The following STON1 variants were observed in gnomAD, a reference collection of about 807,000 sequenced individuals.
STON1 encodes stonin-1.
A neutral mutation model predicts 60.9 loss-of-function variants in STON1; 79 were observed. That is an observed-to-expected ratio of 1.30 (90% CI 1.08 to 1.56). The LOEUF (loss-of-function observed/expected upper bound fraction) is 1.56, where lower values mean the gene tolerates loss of function less well. Among genes scored for constraint, STON1 ranks in the 40% most tolerant of loss-of-function variants. The pLI is 0.00. For synonymous variants in STON1, 363 were observed against 306.9 expected, an observed-to-expected ratio of 1.18 and a Z score of -1.91; for missense variants, 1,166 against 858.9, an observed-to-expected ratio of 1.36 and a Z score of -4.47.
intron 1 of STON1, among the ~76,000 whole-genome samples, chr2:48,557,716 C>A (rs563361178): frequency 1.4e-5 from 1 of 68,986 alleles, no homozygotes; most frequent in African/African-American, 5.0e-5. Flanking sequence ...GCGGATCACT[C>A]GCGGTTAGGG....
At chr2:48,591,110 T>C (rs2103956308) in intron 2 of STON1, among the ~76,000 whole-genome samples, 1 of 151,782 alleles carries the variant, frequency 6.6e-6, no homozygotes, top group South Asian at 2.1e-4. Flanking sequence ...AGCCAAATAA[T>C]TATGTTTAAT....
chr2:48,577,252 T>C (rs1024272059), intron 1 of STON1, among the ~76,000 whole-genome samples: 1 of 151,788 alleles, frequency 6.6e-6, no homozygotes, highest in Non-Finnish European at 1.5e-5. Context: ...CCAAGACCAA[T>C]GTTATGAAGA....
Position 48,537,484 on chromosome 2 carries a change from C to T in STON1, c.-48+7268C>T, listed in dbSNP as rs114849961. On this transcript the variant is annotated intron_variant, in intron 1 of 3. Transcript: ENST00000404752. ...ACAGGTATATTATTCTGTAGGGTAT[C>T]GGTTGCTAGTATTTTACTTTGGATT... Among the ~76,000 whole-genome samples, 1,244 of 152,142 alleles carry T rather than the reference C, an allele frequency of 8.2e-3. 10 individuals are homozygous for T. Among genetic ancestry groups the T allele is most frequent in the Middle Eastern group, 0.017 (5 of 294 alleles).
rs1673886910 is a variant in STON1, at chr2:48,581,547, G to C, written c.914G>C (p.Gly305Ala). The C allele has an allele frequency of 2.5e-6, 4 of 1,614,160 alleles. No individual in the cohort carries two copies. In the Admixed American group the frequency reaches 5.0e-5, roughly 20 times the overall value. Residue 305 changes from glycine (G) to alanine (A), a missense_variant, in exon 2 of 4, where the codon GGA becomes GCA. By Grantham distance (60) the Gly-to-Ala change is moderately conservative (BLOSUM62 0). Transcript: ENST00000404752. ...GPIFLKVLPGGILQMYYEQGL... is the reference protein window; with the variant it reads ...GPIFLKVLPGAILQMYYEQGL... ...ATTTTTCTGAAAGTTTTGCCTGGAG[G>C]AATTTTGCAGATGTATTATGAACAG...
Position 48,582,453 on chromosome 2 carries a change from A to G in STON1, c.1820A>G (p.Gln607Arg), listed in dbSNP as rs1240079990. The change falls in exon 2 of 4, where the codon CAG (glutamine) becomes CGG (arginine). Residue 607 changes from glutamine to arginine, a missense_variant. Coordinates refer to ENST00000404752, the MANE Select transcript of STON1 (RefSeq NM_006873.4). ...MNRRACLGSL[Q>R]ELESEPVIQV... ...CGCCGAGCATGTCTGGGGAGTTTACAGGAACTTGAATCTGAACCTGTCATT... is the reference window on the plus strand; with the variant it reads ...CGCCGAGCATGTCTGGGGAGTTTACGGGAACTTGAATCTGAACCTGTCATT... 4 of 1,614,116 alleles carry G rather than the reference A, an allele frequency of 2.5e-6. No homozygotes were observed. Among genetic ancestry groups the G allele is most frequent in the Admixed American group, 1.7e-5 (1 of 60,004 alleles).
Position 48,582,330 on chromosome 2 carries a change from A to G in STON1, c.1697A>G (p.Asp566Gly). 6.2e-7 allele frequency: 1 copy of G among 1,614,200 alleles called. No individual in the cohort carries two copies. Among genetic ancestry groups the G allele is most frequent in the Non-Finnish European group, 8.5e-7 (1 of 1,180,040 alleles). ...TATGCTGGTTCCTTAAGGTCCTGTG[A>G]CAATATAAGGATACACTTTCCTGTC... ...SSYAGSLRSC[D>G]NIRIHFPVPS... is the part of the protein sequence containing the mutation. Residue 566 changes from aspartate to glycine, a missense_variant, in exon 2 of 4, where the codon GAC (aspartate) becomes GGC (glycine). By Grantham distance (94) the Asp-to-Gly change is moderately conservative. Transcript: ENST00000404752.
intron 1 of STON1, among the ~76,000 whole-genome samples, chr2:48,573,591 C>T (rs1673328534): frequency 6.6e-6 from 1 of 152,140 alleles, no homozygotes; most frequent in Non-Finnish European, 1.5e-5. Context: ...ACTTCACTGC[C>T]TCTGGTGTCA....
chr2:48,563,273 G>A (rs763175752), intron 1 of STON1, among the ~76,000 whole-genome samples: 3 of 152,220 alleles, frequency 2.0e-5, no homozygotes, highest in Non-Finnish European at 4.4e-5. Context: ...GAGCTGCCAG[G>A]TGCCATTCTC....
intron 3 of STON1, among the ~76,000 whole-genome samples, chr2:48,593,603 G>A (rs1207717140): frequency 2.0e-5 from 3 of 152,126 alleles, no homozygotes; most frequent in Non-Finnish European, 2.9e-5. Context: ...CCCTCAGGAG[G>A]TCCTGAGAAC....
rs756670197 is a variant in STON1 at position 48,581,768 on chromosome 2, G to C, written c.1135G>C (p.Gly379Arg). The change falls in exon 2 of 4, where the codon GGG (glycine) becomes CGG (arginine). Residue 379 changes from glycine to arginine, a missense_variant. Physicochemically the swap from Gly to Arg is moderately radical, Grantham distance 125 (BLOSUM62 -2). Coordinates refer to ENST00000404752, the MANE Select transcript of STON1 (RefSeq NM_006873.4). ...EPDIEQMLKL[G>R]STSYHDFLDF... ...TGACATAGAGCAGATGCTGAAGTTG[G>C]GGTCCACATCGTACCATGACTTCCT... 3.1e-6 allele frequency: 5 copies of C among 1,613,668 alleles called. No homozygotes were observed. The South Asian group carries it at 5.5e-5, about 18-fold the overall frequency.
chr2:48,540,489 C>G (rs1671609447), intron 1 of STON1, among the ~76,000 whole-genome samples: 2 of 152,188 alleles, frequency 1.3e-5, no homozygotes, highest in South Asian at 4.1e-4. Context: ...GATGGAGCTT[C>G]TGAATAGCTG....
intron 1 of STON1, among the ~76,000 whole-genome samples, chr2:48,564,540 CTTCTTCTTCTTCTTCTTCTTCTT>C (rs1558605374): frequency 1.9e-4 from 9 of 47,592 alleles, no homozygotes; most frequent in African/African-American, 6.7e-4. Flanking sequence ...TCTTCTTCTT[CTTCTTCTTCTTCTTCTTCTTCTT>C]CTTCTCCTTC....
intron 1 of STON1, among the ~76,000 whole-genome samples, chr2:48,579,276 A>T (rs1451651749): frequency 6.6e-6 from 1 of 150,478 alleles, no homozygotes; most frequent in Non-Finnish European, 1.5e-5. Flanking sequence ...AAGTGCTGGG[A>T]TTATAGATGT....
At position 48,581,809 on chromosome 2, in the gene STON1, T is replaced by G. The variant is rs1673903262; in HGVS notation, c.1176T>G (p.Thr392=). The G allele has an allele frequency of 1.9e-6, 3 of 1,614,172 alleles. No homozygotes were observed. In the East Asian group the frequency reaches 6.7e-5, roughly 36 times the overall value. Residue 392 remains threonine, a synonymous_variant, in exon 2 of 4, where the codon ACT becomes ACG. Transcript: ENST00000404752. ...SYHDFLDFLT[T]VEEELMKLPA... ...ATGACTTCCTTGACTTTCTGACTAC[T>G]GTGGAGGAGGAGCTGATGAAGTTGC...
Position 48,580,932 on chromosome 2 carries a change from A to T in STON1, c.299A>T (p.His100Leu), listed in dbSNP as rs1426196509. 1 of 1,600,000 alleles carries T rather than the reference A, an allele frequency of 6.3e-7. No homozygotes were observed. Among genetic ancestry groups the T allele is most frequent in the Admixed American group, 1.7e-5 (1 of 57,420 alleles). ...CCTGGCATCCCCAAAGCAGGGACTC[A>T]TGTGCTTTATCCTATTCCAGAATCA... The part of the protein sequence containing the change: ...GFPGIPKAGT[H>L]VLYPIPESSS... The change falls in exon 2 of 4, where the codon CAT (histidine) becomes CTT (leucine). Residue 100 changes from histidine (H) to leucine (L), a missense_variant. His to Leu is a moderately conservative substitution (Grantham distance 99, BLOSUM62 -3). Transcript: ENST00000404752.
intron 1 of STON1, among the ~76,000 whole-genome samples, chr2:48,551,432 C>T (rs1437168993): frequency 6.6e-6 from 1 of 150,772 alleles, no homozygotes; most frequent in East Asian, 1.9e-4. Flanking sequence ...AGGGCCAAGC[C>T]CCTCTGACCC....
In STON1 at chr2:48,577,923, A is replaced by C. The variant is rs7592874; in HGVS notation, c.-47-2664A>C. Among the ~76,000 whole-genome samples the C allele has an allele frequency of 3.5e-3, 531 of 151,612 alleles. 3 individuals are homozygous for C. The highest frequency in any genetic ancestry group is 0.011 in the African/African-American group (462 of 41,342). ...GAGCCACCGAGCCCGGCCAAAAAAAACCAAAAAAACAAAAAACCCCCCAGA... is the reference window on the plus strand; with the variant it reads ...GAGCCACCGAGCCCGGCCAAAAAAACCCAAAAAAACAAAAAACCCCCCAGA... On this transcript the variant is annotated intron_variant, in intron 1 of 3. Transcript: ENST00000404752.
At position 48,581,976 on chromosome 2, in the gene STON1, T is replaced by C; in HGVS notation, c.1343T>C (p.Val448Ala). ...ACTCAAATTTATTGCCTCTGCTTTG[T>C]GAATGGGAACCTGGAATGCTTTTTA... ...VITQIYCLCFVNGNLECFLTL... is the reference protein window; with the variant it reads ...VITQIYCLCFANGNLECFLTL... Residue 448 changes from valine (V) to alanine (A), a missense_variant, in exon 2 of 4, where the codon GTG becomes GCG. Coordinates refer to ENST00000404752, the MANE Select transcript of STON1 (RefSeq NM_006873.4). 6.2e-7 allele frequency: 1 copy of C among 1,614,212 alleles called. No individual in the cohort carries two copies. The highest frequency in any genetic ancestry group is 8.5e-7 in the Non-Finnish European group (1 of 1,180,044).
chr2:48,577,536 G>A (rs992204267), intron 1 of STON1, among the ~76,000 whole-genome samples: 1 of 151,472 alleles, frequency 6.6e-6, no homozygotes, highest in African/African-American at 2.4e-5. Flanking sequence ...AGTTGAGATC[G>A]GGCCACTGCA....
Sources: gnomAD v4.1 joint callset for allele counts (sites outside exome capture counted in the v4.1 genomes callset) on GRCh38, gnomAD v4.1.1 for gene constraint, MANE v1.5 for transcripts, NCBI Gene and HGNC (gene_info 2026-07-23, HGNC 2026-07-21) for gene names.